Variants in ANK3 observed in about 807,000 individuals in gnomAD.
ANK3 encodes ankyrin 3.
ANK3 carries 57 observed loss-of-function variants against 370.9 expected under a neutral mutation model. That is an observed-to-expected ratio of 0.15 (90% confidence interval 0.12 to 0.19). ANK3 has a LOEUF of 0.19. Ranked by LOEUF, ANK3 falls within the 10% of genes least tolerant of loss-of-function variation. ANK3 has a pLI of 1.00. For synonymous variants in ANK3, 1,929 were observed against 1,946.3 expected, an observed-to-expected ratio of 0.99 and a Z score of 0.23; for missense variants, 4,439 against 5,302.1, an observed-to-expected ratio of 0.84 and a Z score of 5.06.
intron 16 of ANK3, among the ~76,000 whole-genome samples, chr10:60,194,928 ACT>A (rs1381485142): frequency 6.6e-6 from 1 of 152,096 alleles, no homozygotes; most frequent in African/African-American, 2.4e-5. Context: ...AAGATAACAT[ACT>A]CTCTAAATGG....
chr10:60,595,385 T>G (rs2077973510), intron 2 of ANK3, among the ~76,000 whole-genome samples: 1 of 152,104 alleles, frequency 6.6e-6, no homozygotes, highest in Non-Finnish European at 1.5e-5. Flanking sequence ...ATTGGTTATG[T>G]TGAAATGAAA....
chr10:60,713,024 C>T (rs1457399754), intron 1 of ANK3, among the ~76,000 whole-genome samples: 1 of 152,046 alleles, frequency 6.6e-6, no homozygotes, highest in African/African-American at 2.4e-5. Context: ...ACTTCGACAC[C>T]TTTTTATCAG....
At chr10:60,140,819 G>T in intron 23 of ANK3, 1 of 996,828 alleles carries the variant, frequency 1.0e-6, no homozygotes, top group Non-Finnish European at 1.2e-6. Context: ...AATGCGCGTT[G>T]CCTAGTCGGG....
chr10:60,175,193 G>A (rs747352634), intron 18 of ANK3, among the ~76,000 whole-genome samples: 9 of 152,182 alleles, frequency 5.9e-5, no homozygotes, highest in Non-Finnish European at 1.0e-4. Context: ...TCCCTTGGTC[G>A]CTGTGCTCCA....
Position 60,069,645 on chromosome 10 carries a change from CTATCT to C in ANK3, c.11231_11235del (p.Lys3744ArgfsTer13). Reference sequence around the variant, plus strand: ...CCCTGACAACTGGTCATCACCGCTTCTATCTTATCTGTTATTTCTCCAGGGCCTTC... The same window carrying C: ...CCCTGACAACTGGTCATCACCGCTTCTATCTGTTATTTCTCCAGGGCCTTC... On this transcript the variant is annotated frameshift_variant, in exon 37 of 44. Coordinates refer to ENST00000280772, the MANE Select transcript of ANK3 (RefSeq NM_020987.5). LOFTEE classifies it high-confidence loss of function. 2.5e-6 allele frequency: 4 copies of C among 1,614,144 alleles called. No individual in the cohort carries two copies. Among genetic ancestry groups the C allele is most frequent in the Non-Finnish European group, 3.4e-6 (4 of 1,180,010 alleles).
At chr10:60,651,286 T>C (rs994987602) in intron 1 of ANK3, among the ~76,000 whole-genome samples, 1 of 152,164 alleles carries the variant, frequency 6.6e-6, no homozygotes, top group Non-Finnish European at 1.5e-5. Flanking sequence ...ACTTTGTGTG[T>C]TCAAGGATAA....
chr10:60,076,529 T>C (rs1589648856), intron 36 of ANK3, 81 bp from the exon 37 acceptor site: 23 of 1,473,114 alleles, frequency 1.6e-5, no homozygotes, highest in East Asian at 2.4e-5. Flanking sequence ...GAGAAAAAAA[T>C]TGGTCAGTAA....
At chr10:60,415,923 A>ACCCCCCCC (rs60397919) in intron 2 of ANK3, among the ~76,000 whole-genome samples, 12 of 62,656 alleles carry the variant, frequency 1.9e-4, no homozygotes, top group Non-Finnish European at 2.8e-4. Context: ...TGTGCCCCCC[A>ACCCCCCCC]CCCCCCCGCC....
chr10:60,501,877 T>A (rs951171650), intron 2 of ANK3, among the ~76,000 whole-genome samples: 3 of 152,066 alleles, frequency 2.0e-5, no homozygotes, highest in Non-Finnish European at 4.4e-5. Context: ...GTCTAGCTAC[T>A]GGGGAGGCTG....
chr10:60,488,705 T>C (rs1266643777), intron 2 of ANK3, among the ~76,000 whole-genome samples: 5 of 152,208 alleles, frequency 3.3e-5, no homozygotes, highest in Non-Finnish European at 5.9e-5. Flanking sequence ...TCTTTCACTT[T>C]GTTTAATGCT....
chr10:60,247,593 T>G (rs78843521), intron 7 of ANK3, among the ~76,000 whole-genome samples: 18,747 of 152,206 alleles, frequency 0.12, 1,387 homozygotes, highest in East Asian at 0.28. Flanking sequence ...ATATTATAGA[T>G]ACCTGTGTTA....
rs2085810176 is a variant in ANK3 at position 60,083,472 on chromosome 10, C to T, written c.4200+20G>A. The T allele has an allele frequency of 1.3e-6, 2 of 1,599,486 alleles. No homozygotes were observed. Among genetic ancestry groups the T allele is most frequent in the Non-Finnish European group, 8.5e-7 (1 of 1,173,272 alleles). Reference sequence around the variant, plus strand: ...ATTTTTTCCCCATAATTCACAGATTCTCTGTTAAAGATGATTTACCTTGAT... The same window carrying T: ...ATTTTTTCCCCATAATTCACAGATTTTCTGTTAAAGATGATTTACCTTGAT... On this transcript the variant is annotated intron_variant, in intron 33 of 43. Coordinates refer to ENST00000280772, the MANE Select transcript of ANK3 (RefSeq NM_020987.5).
At chr10:60,656,442 T>A (rs568760111) in intron 1 of ANK3, among the ~76,000 whole-genome samples, 6,108 of 151,784 alleles carry the variant, frequency 0.04, 152 homozygotes, top group Middle Eastern at 0.071. Flanking sequence ...TACTATCTTT[T>A]AAAAAAAAAT....
intron 2 of ANK3, among the ~76,000 whole-genome samples, chr10:60,576,237 AC>A (rs2077681143): frequency 6.6e-6 from 1 of 152,208 alleles, no homozygotes; most frequent in Non-Finnish European, 1.5e-5. Flanking sequence ...TTCACTGCCT[AC>A]TTAGAGTTCA....
chr10:60,644,635 T>C (rs2078683634), intron 1 of ANK3, among the ~76,000 whole-genome samples: 1 of 152,092 alleles, frequency 6.6e-6, no homozygotes, highest in African/African-American at 2.4e-5. Flanking sequence ...ATTACACTAT[T>C]CTTGGCAAAT....
At chr10:60,254,156 A>G (rs998534890) in intron 7 of ANK3, among the ~76,000 whole-genome samples, 2 of 152,180 alleles carry the variant, frequency 1.3e-5, no homozygotes, top group African/African-American at 4.8e-5. Flanking sequence ...CTAATACAAT[A>G]TAAAAGTCAT....
rs2083381174 is a variant in ANK3, at chr10:60,074,509, G to A, written c.6372C>T (p.Pro2124=). The A allele has an allele frequency of 1.9e-6, 3 of 1,613,730 alleles. No individual in the cohort carries two copies. Among genetic ancestry groups the A allele is most frequent in the African/African-American group, 1.3e-5 (1 of 74,972 alleles). Residue 2124 remains proline, a synonymous_variant, in exon 37 of 44, where the codon CCC becomes CCT. Coordinates refer to ENST00000280772, the MANE Select transcript of ANK3 (RefSeq NM_020987.5). ...DFSQHDQDKS[P]LSDSGFETRS... Reference sequence around the variant, plus strand: ...TTGTTTCAAAGCCACTGTCAGACAAGGGACTTTTATCTTGGTCGTGTTGAG... The same window carrying A: ...TTGTTTCAAAGCCACTGTCAGACAAAGGACTTTTATCTTGGTCGTGTTGAG...
rs60224309 is a variant in ANK3 at position 60,400,009 on chromosome 10, AGTGTGTGTGTGT to A, written c.97-120382_97-120371del. Among the ~76,000 whole-genome samples the A allele has an allele frequency of 7.9e-3, 1,147 of 145,976 alleles. 10 individuals carry two copies. Among genetic ancestry groups the A allele is most frequent in the African/African-American group, 0.016 (607 of 38,802 alleles). On this transcript the variant is annotated intron_variant, in intron 2 of 43. Transcript: ENST00000373827. Reference sequence around the variant, plus strand: ...AAATATAAATCAAAACCTCCAATACAGTGTGTGTGTGTGTGTGTGTGTGTGTGTGTGTGTGTG... The same window carrying A: ...AAATATAAATCAAAACCTCCAATACAGTGTGTGTGTGTGTGTGTGTGTGTG...
intron 21 of ANK3, among the ~76,000 whole-genome samples, chr10:60,169,364 G>GTTTGTT (rs397844967): frequency 0.017 from 880 of 51,682 alleles, 13 homozygotes; most frequent in African/African-American, 0.063. Flanking sequence ...TTGTCTCATA[G>GTTTGTT]TTTTTTTTTT....
Sources: gnomAD v4.1 joint callset for allele counts (sites outside exome capture counted in the v4.1 genomes callset) on GRCh38, gnomAD v4.1.1 for gene constraint, MANE v1.5 for transcripts, NCBI Gene and HGNC (gene_info 2026-07-23, HGNC 2026-07-21) for gene names.